The following MPRIP variants were observed in gnomAD, a reference collection of about 807,000 sequenced individuals.
MPRIP encodes the protein myosin phosphatase Rho-interacting protein.
Under a neutral mutation model 234.9 loss-of-function variants are expected in MPRIP, and 59 were observed. The observed-to-expected ratio is 0.25, with a 90% CI of 0.20 to 0.31. MPRIP has a LOEUF of 0.31. MPRIP is among the 10% of genes least tolerant of loss of function. MPRIP has a pLI of 1.00. For missense variants in MPRIP, 2,436 were observed against 3,071.0 expected, an observed-to-expected ratio of 0.79 and a Z score of 4.89; for synonymous variants, 1,144 against 1,263.9, an observed-to-expected ratio of 0.91 and a Z score of 2.01.
rs1037853714 is a variant in MPRIP, at chr17:17,091,193, G to A, written c.267+13117G>A. On this transcript the variant is annotated intron_variant, in intron 3 of 23. Coordinates refer to ENST00000651222, the MANE Select transcript of MPRIP (RefSeq NM_001364716.4). ...TTTCAGCAAGAGACCCACCGAGGAC[G>A]ACCATATATTCTGGTCCCAGCAGCG... 1.7e-3 allele frequency among the ~76,000 whole-genome samples: 257 copies of A among 152,088 alleles called. 2 individuals are homozygous for A. The highest frequency in any genetic ancestry group is 2.0e-3 in the Non-Finnish European group (133 of 68,006).
intron 7 of MPRIP, among the ~76,000 whole-genome samples, chr17:17,140,394 C>T (rs2090788031): frequency 6.6e-6 from 1 of 152,174 alleles, no homozygotes; most frequent in African/African-American, 2.4e-5. Context: ...GCCCCACCCC[C>T]CACCAGTTCT....
chr17:17,079,761 C>A (rs2089419830), intron 3 of MPRIP, among the ~76,000 whole-genome samples: 1 of 152,246 alleles, frequency 6.6e-6, no homozygotes, highest in South Asian at 2.1e-4. Context: ...TAAAGTCCAG[C>A]AAAATCCATT....
In MPRIP at chr17:17,167,173, A is replaced by G. The variant is rs2046018719; in HGVS notation, c.5582A>G (p.Lys1861Arg). 7.7e-7 allele frequency: 1 copy of G among 1,304,000 alleles called. No homozygotes were observed. Among genetic ancestry groups the G allele is most frequent in the Admixed American group, 2.3e-5 (1 of 43,540 alleles). The allele number at this position is 1,304,000 out of a possible 1,614,324, so 80.8% of individuals were successfully genotyped here. ...ASCRIRLEYE[K>R]ELQLCKESWQ... ...TGCAGAATCCGGCTAGAATATGAGA[A>G]GGAGCTCCAGCTCTGCAAGGAGTCC... The change falls in exon 16 of 24, where the codon AAG (lysine) becomes AGG (arginine). Residue 1861 changes from lysine to arginine, a missense_variant. Coordinates refer to ENST00000651222, the MANE Select transcript of MPRIP (RefSeq NM_001364716.4). This position sits in a 1 kb window ranked among gnomAD's most constrained non-coding sequence, Gnocchi z 5.9.
At chr17:17,086,781 G>C (rs1597782235) in intron 3 of MPRIP, among the ~76,000 whole-genome samples, 1 of 152,312 alleles carries the variant, frequency 6.6e-6, no homozygotes, top group African/African-American at 2.4e-5. Flanking sequence ...AATTTACGGT[G>C]ACTCATGAAA....
At chr17:17,174,886 G>A (rs142760417) in intron 19 of MPRIP, among the ~76,000 whole-genome samples, 10 of 152,028 alleles carry the variant, frequency 6.6e-5, no homozygotes, top group East Asian at 1.9e-4. Flanking sequence ...GCCAGGATTC[G>A]TTCAATATTG....
intron 3 of MPRIP, among the ~76,000 whole-genome samples, chr17:17,113,894 T>TC (rs1597826487): frequency 1.4e-5 from 2 of 144,728 alleles, no homozygotes; most frequent in African/African-American, 5.2e-5. Context: ...TCTTTTTTTT[T>TC]TTTTTTTTTT....
chr17:17,159,081 G>A (rs992445859), intron 14 of MPRIP, 79 bp downstream of exon 14: 5 of 1,451,958 alleles, frequency 3.4e-6, no homozygotes, highest in African/African-American at 1.4e-5. Flanking sequence ...TGTGGCCTGA[G>A]GGGTTCATCT....
At chr17:17,077,774 C>A in intron 2 of MPRIP, 122 of 350,822 alleles carry the variant, frequency 3.5e-4, no homozygotes, top group East Asian at 5.2e-4. Context: ...AAAAAAAAGA[C>A]TTCTTATTAA....
At chr17:17,051,511 G>A (rs1255439489) in intron 1 of MPRIP, among the ~76,000 whole-genome samples, 2 of 152,236 alleles carry the variant, frequency 1.3e-5, no homozygotes, top group African/African-American at 2.4e-5. Context: ...GGCAGCCAAA[G>A]CCTGGAGCTT....
intron 1 of MPRIP, among the ~76,000 whole-genome samples, chr17:17,054,208 CATG>C (rs921110233): frequency 2.0e-5 from 3 of 152,108 alleles, no homozygotes; most frequent in African/African-American, 7.2e-5. Context: ...TGATGACAGT[CATG>C]GTGGTAGGTT....
At chr17:17,127,294 T>G (rs1478643326) in intron 4 of MPRIP, among the ~76,000 whole-genome samples, 1 of 152,174 alleles carries the variant, frequency 6.6e-6, no homozygotes, top group African/African-American at 2.4e-5. Flanking sequence ...CTGTCAGTGG[T>G]GGTGGGGGTG....
At chr17:17,091,693 C>T (rs544241486) in intron 3 of MPRIP, among the ~76,000 whole-genome samples, 3 of 152,260 alleles carry the variant, frequency 2.0e-5, no homozygotes, top group African/African-American at 4.8e-5. Flanking sequence ...AGGGTTGGTG[C>T]GGCTCTCCCT....
chr17:17,180,593 C>T (rs752834800), intron 23 of MPRIP: 2 of 1,612,274 alleles, frequency 1.2e-6, no homozygotes, highest in East Asian at 2.2e-5. Flanking sequence ...CATGTCTGCT[C>T]TCTCCTCTGA....
At chr17:17,064,201 G>GTTTTTTTTTTTTTTTTTTTTTTTT (rs752475475) in intron 1 of MPRIP, among the ~76,000 whole-genome samples, 1 of 144,128 alleles carries the variant, frequency 6.9e-6, no homozygotes, top group African/African-American at 2.7e-5. Flanking sequence ...GGTTTTTTTT[G>GTTTTTTTTTTTTTTTTTTTTTTTT]TTTTGTTTTT....
chr17:17,116,637 C>T, intron 3 of MPRIP, among the ~76,000 whole-genome samples: 1 of 152,256 alleles, frequency 6.6e-6, no homozygotes, highest in East Asian at 1.9e-4. Flanking sequence ...TCCCACGGAA[C>T]TCCCAGAATC....
In MPRIP at chr17:17,165,302, A is replaced by C; in HGVS notation, c.3711A>C (p.Thr1237=). The change falls in exon 16 of 24, where the codon ACA becomes ACC. Residue 1237 remains threonine, a synonymous_variant. Transcript: ENST00000651222. ...MEEPRSTPEE[T]ERDGTLLPGQ... ...AGCCACGGAGTACCCCTGAAGAGAC[A>C]GAAAGGGATGGCACTTTGCTCCCAG... The C allele has an allele frequency of 7.7e-7, 1 of 1,304,116 alleles. No homozygotes were observed. 80.8% of individuals were successfully genotyped at this position (1,304,116 alleles called of 1,614,324 possible). A position where few individuals can be genotyped will look rare whatever the true frequency, so the allele number is the denominator to read the frequency against.
At chr17:17,060,787 CT>C (rs2088846023) in intron 1 of MPRIP, among the ~76,000 whole-genome samples, 1 of 152,206 alleles carries the variant, frequency 6.6e-6, no homozygotes, top group African/African-American at 2.4e-5. Flanking sequence ...GTAGCTCCAT[CT>C]TTAGTATCTG....
At chr17:17,103,905 G>A (rs1232923131) in intron 3 of MPRIP, among the ~76,000 whole-genome samples, 1 of 152,102 alleles carries the variant, frequency 6.6e-6, no homozygotes, top group African/African-American at 2.4e-5. Flanking sequence ...CTTTTTAGCA[G>A]TGAGATATCT....
intron 11 of MPRIP, 89 bp from the exon 12 acceptor site, chr17:17,150,055 A>G: frequency 1.1e-6 from 1 of 902,302 alleles, no homozygotes; most frequent in South Asian, 1.4e-5. Flanking sequence ...AAGTAAAGTC[A>G]GTGCAGAAAA....
Sources: allele counts gnomAD v4.1 joint callset (sites outside exome capture counted in the v4.1 genomes callset), GRCh38; gene constraint gnomAD v4.1.1; non-coding constraint Gnocchi (gnomAD v3.1); transcripts MANE v1.5; gene names NCBI Gene and HGNC (gene_info 2026-07-23, HGNC 2026-07-21).